PLPPR1: variants seen among roughly 807,000 people sequenced by gnomAD.
PLPPR1 encodes phospholipid phosphatase related 1.
In PLPPR1, 10 loss-of-function variants were observed where a neutral mutation model predicts 33.1. That is an observed-to-expected ratio of 0.30 (90% CI 0.19 to 0.51). PLPPR1 has a LOEUF of 0.51. PLPPR1 is among the 20% of genes least tolerant of loss of function. PLPPR1 has a pLI of 0.97. For synonymous variants in PLPPR1, 151 were observed against 151.0 expected (o/e 1.00, Z 0.00); for missense variants, 304 against 408.1 (o/e 0.74, Z 2.20).
chr9:101,211,609 G>T (rs1196698128), intron 2 of PLPPR1, among the ~76,000 whole-genome samples: 1 of 152,106 alleles, frequency 6.6e-6, no homozygotes, highest in East Asian at 1.9e-4. Flanking sequence ...AATTCTACTA[G>T]TTAGGCCCAC....
At chr9:101,321,342 A>G (rs1829145333) in intron 7 of PLPPR1, among the ~76,000 whole-genome samples, 1 of 152,178 alleles carries the variant, frequency 6.6e-6, no homozygotes, top group Non-Finnish European at 1.5e-5. Flanking sequence ...GGGCCTCTCT[A>G]AAACATTACC....
At chr9:101,036,979 T>C (rs184404498) in intron 1 of PLPPR1, among the ~76,000 whole-genome samples, 2 of 152,202 alleles carry the variant, frequency 1.3e-5, no homozygotes, top group East Asian at 3.9e-4. Context: ...GTCCAAAATC[T>C]ATGCTTATCT....
At chr9:101,054,258 A>C (rs1203966780) in intron 1 of PLPPR1, among the ~76,000 whole-genome samples, 1 of 152,204 alleles carries the variant, frequency 6.6e-6, no homozygotes, top group African/African-American at 2.4e-5. Context: ...AAAACTATTA[A>C]TGTGAATACT....
At chr9:101,078,740 TGC>T (rs1830580486) in intron 1 of PLPPR1, among the ~76,000 whole-genome samples, 1 of 152,118 alleles carries the variant, frequency 6.6e-6, no homozygotes, top group Non-Finnish European at 1.5e-5. Context: ...TGCTAGTACT[TGC>T]TCCAGTCTAT....
At chr9:101,269,631 C>G (rs935407809) in intron 2 of PLPPR1, among the ~76,000 whole-genome samples, 2 of 152,206 alleles carry the variant, frequency 1.3e-5, no homozygotes, top group Non-Finnish European at 1.5e-5. Context: ...AAGCTCTCTA[C>G]AAGCCTGGCT....
intron 1 of PLPPR1, among the ~76,000 whole-genome samples, chr9:101,096,487 A>G (rs7851995): frequency 0.7 from 106,827 of 152,020 alleles, 37,679 homozygotes; most frequent in East Asian, 0.89. Context: ...GCATATGTAT[A>G]AACATGCATA....
intron 1 of PLPPR1, among the ~76,000 whole-genome samples, chr9:101,071,605 G>GGAAA (rs1554723744): frequency 2.0e-5 from 3 of 149,114 alleles, no homozygotes; most frequent in Non-Finnish European, 4.5e-5. Context: ...GGAGTGAGAA[G>GGAAA]GAGAGAGAGA....
intron 2 of PLPPR1, among the ~76,000 whole-genome samples, chr9:101,234,882 CCTTA>C (rs1827268637): frequency 2.0e-5 from 3 of 151,778 alleles, no homozygotes; most frequent in Admixed American, 1.3e-4. Flanking sequence ...TTAAATGTAT[CCTTA>C]CTTTTTGCTG....
chr9:101,211,586 G>A (rs1826691955), intron 2 of PLPPR1, among the ~76,000 whole-genome samples: 1 of 152,008 alleles, frequency 6.6e-6, no homozygotes, highest in South Asian at 2.1e-4. Flanking sequence ...GTCCATTCTG[G>A]GAAACAAATC....
chr9:101,087,041 T>C (rs901877063), intron 1 of PLPPR1, among the ~76,000 whole-genome samples: 1 of 152,022 alleles, frequency 6.6e-6, no homozygotes, highest in Non-Finnish European at 1.5e-5. Context: ...TAGCTAGGCA[T>C]GGTGATGTAC....
At chr9:101,039,870 T>C (rs1306130112) in intron 1 of PLPPR1, among the ~76,000 whole-genome samples, 1 of 150,644 alleles carries the variant, frequency 6.6e-6, no homozygotes, top group Non-Finnish European at 1.5e-5. Flanking sequence ...TTGTGGGAAT[T>C]ACAATTCAAG....
At chr9:101,150,148 A>T (rs1400147858) in intron 1 of PLPPR1, among the ~76,000 whole-genome samples, 2 of 151,920 alleles carry the variant, frequency 1.3e-5, no homozygotes, top group Admixed American at 1.3e-4. Flanking sequence ...ATCTTCTATA[A>T]TCTCATAGTA....
At chr9:101,042,931 T>C (rs1326748983) in intron 1 of PLPPR1, among the ~76,000 whole-genome samples, 1 of 152,186 alleles carries the variant, frequency 6.6e-6, no homozygotes, top group Admixed American at 6.5e-5. Flanking sequence ...TGCATTTTTT[T>C]CCATAGGTTT....
intron 1 of PLPPR1, among the ~76,000 whole-genome samples, chr9:101,114,467 G>A (rs1047904171): frequency 7.2e-5 from 11 of 152,196 alleles, no homozygotes; most frequent in African/African-American, 2.2e-4. Flanking sequence ...ACAAAAGACT[G>A]AGATCTTTAG....
At chr9:101,201,463 G>GC (rs1435247268) in intron 2 of PLPPR1, among the ~76,000 whole-genome samples, 2 of 152,174 alleles carry the variant, frequency 1.3e-5, no homozygotes, top group African/African-American at 4.8e-5. Flanking sequence ...GAGTAAGACA[G>GC]CATGGTATTT....
chr9:101,118,108 G>A (rs1293905890), intron 1 of PLPPR1, among the ~76,000 whole-genome samples: 2 of 152,234 alleles, frequency 1.3e-5, no homozygotes, highest in Non-Finnish European at 2.9e-5. Flanking sequence ...ATACAGTGCA[G>A]CTGCTATAGC....
chr9:101,180,900 CA>C (rs1191961361), intron 1 of PLPPR1, among the ~76,000 whole-genome samples: 9 of 151,534 alleles, frequency 5.9e-5, no homozygotes, highest in Non-Finnish European at 7.4e-5. Context: ...TTACACCAAA[CA>C]AAAAAGCTCT....
chr9:101,266,354 C>CCACT (rs1827994362), intron 2 of PLPPR1, among the ~76,000 whole-genome samples: 3 of 148,862 alleles, frequency 2.0e-5, no homozygotes, highest in African/African-American at 7.5e-5. Context: ...CGAGATCCTG[C>CCACT]CACTGCACTC....
intron 6 of PLPPR1, among the ~76,000 whole-genome samples, chr9:101,316,333 A>C (rs899108489): frequency 6.6e-6 from 1 of 151,940 alleles, no homozygotes; most frequent in Non-Finnish European, 1.5e-5. Context: ...GCTACTCGGG[A>C]GGCTGAGGCA....
Sources: allele counts gnomAD v4.1 joint callset (sites outside exome capture counted in the v4.1 genomes callset), GRCh38; gene constraint gnomAD v4.1.1; transcripts MANE v1.5; gene names NCBI Gene and HGNC (gene_info 2026-07-23, HGNC 2026-07-21).